The following RPS6KA5 variants were observed in gnomAD, a reference collection of about 807,000 sequenced individuals.
RPS6KA5 encodes ribosomal protein S6 kinase alpha-5.
A neutral mutation model predicts 85.5 loss-of-function variants in RPS6KA5; 27 were observed. The ratio of observed to expected loss-of-function variants is 0.32; its 90% CI spans 0.23 to 0.44. RPS6KA5 has a LOEUF of 0.44. Among genes scored for constraint, RPS6KA5 ranks in the 20% least tolerant of loss-of-function variants. The pLI, the probability that RPS6KA5 is intolerant of heterozygous loss-of-function variation, is 1.00. For missense variants in RPS6KA5, 811 were observed against 980.9 expected, an observed-to-expected ratio of 0.83 and a Z score of 2.31; for synonymous variants, 334 against 348.2, an observed-to-expected ratio of 0.96 and a Z score of 0.46.
At chr14:90,963,651 T>C (rs1371581818) in intron 3 of RPS6KA5, among the ~76,000 whole-genome samples, 1 of 152,212 alleles carries the variant, frequency 6.6e-6, no homozygotes, top group Non-Finnish European at 1.5e-5. Context: ...CCACCACTCA[T>C]GGATCACTAT....
chr14:90,991,716 A>AAG (rs1318804300), intron 2 of RPS6KA5, among the ~76,000 whole-genome samples: 1 of 151,062 alleles, frequency 6.6e-6, no homozygotes, highest in Non-Finnish European at 1.5e-5. Context: ...AAAAAAAAAA[A>AAG]AAAAGAAGAG....
rs1050674902 is a variant in RPS6KA5, at chr14:90,943,317, C to G, written c.511-132G>C. 8.6e-6 allele frequency: 5 copies of G among 578,460 alleles called. No homozygotes were observed. In the Admixed American group the frequency reaches 1.3e-4, roughly 15 times the overall value. The allele number at this position is 578,460 out of a possible 1,614,324, so 35.8% of individuals were successfully genotyped here. A position where few individuals can be genotyped will look rare whatever the true frequency, so the allele number is the denominator to read the frequency against. On this transcript the variant is annotated intron_variant, in intron 4 of 16. Transcript: ENST00000614987. The stretch of plus-strand genomic sequence containing the variant: ...CCCTCCTCAGGATCCTGTAATGGCT[C>G]TTGGTGATTGGTCAGGGAAAATGGA...
intron 2 of RPS6KA5, among the ~76,000 whole-genome samples, chr14:90,981,800 G>A (rs778835097): frequency 6.6e-6 from 1 of 152,242 alleles, no homozygotes; most frequent in African/African-American, 2.4e-5. Flanking sequence ...TTCAAGGAGT[G>A]CCTTACGACA....
rs546827967 is a variant in RPS6KA5, at chr14:90,872,959, A to G, written c.2161-637T>C. Among the ~76,000 whole-genome samples, 8 of 152,346 alleles carry G rather than the reference A, an allele frequency of 5.3e-5. No individual in the cohort carries two copies. The South Asian group carries it at 1.7e-3, about 32-fold the overall frequency. On this transcript the variant is annotated intron_variant, in intron 16 of 16. Coordinates refer to ENST00000614987, the MANE Select transcript of RPS6KA5 (RefSeq NM_004755.4). ...TGGATCATCTGATAGAAATTCTTGCAGTTAATCTCTTTACCATCTCAACAT... is the reference window on the plus strand; with the variant it reads ...TGGATCATCTGATAGAAATTCTTGCGGTTAATCTCTTTACCATCTCAACAT...
At chr14:90,913,930 T>C (rs74814587) in intron 7 of RPS6KA5, among the ~76,000 whole-genome samples, 628 of 152,250 alleles carry the variant, frequency 4.1e-3, no homozygotes, top group Non-Finnish European at 6.2e-3. Context: ...AGTCAGACTA[T>C]AGAGACAAGA....
At chr14:90,904,986 C>A (rs934844900) in intron 8 of RPS6KA5, among the ~76,000 whole-genome samples, 1 of 152,110 alleles carries the variant, frequency 6.6e-6, no homozygotes, top group East Asian at 1.9e-4. Context: ...AACTTCTGAA[C>A]AAGATATTTG....
intron 1 of RPS6KA5, among the ~76,000 whole-genome samples, chr14:91,012,855 C>A (rs950126736): frequency 1.4e-4 from 22 of 152,206 alleles, no homozygotes; most frequent in Admixed American, 1.2e-3. Context: ...GAGGAAGGAA[C>A]CTTCTCAATC....
chr14:90,892,462 G>A (rs922060054), intron 13 of RPS6KA5, among the ~76,000 whole-genome samples: 2 of 152,210 alleles, frequency 1.3e-5, no homozygotes, highest in Non-Finnish European at 2.9e-5. Flanking sequence ...AGTTCTACAT[G>A]GAGGAGGGTG....
intron 5 of RPS6KA5, among the ~76,000 whole-genome samples, chr14:90,927,939 T>TTTC (rs759128920): frequency 7.1e-5 from 10 of 141,760 alleles, no homozygotes; most frequent in Admixed American, 1.4e-4. Context: ...TTTCTTTTCT[T>TTTC]TTTTTTTTTT....
At chr14:90,976,778 A>G (rs1026270734) in intron 3 of RPS6KA5, among the ~76,000 whole-genome samples, 11 of 152,196 alleles carry the variant, frequency 7.2e-5, no homozygotes, top group African/African-American at 2.7e-4. Flanking sequence ...TCCTACATGA[A>G]TAAAGATTTA....
At position 90,866,687 on chromosome 14, in the gene RPS6KA5, C is replaced by T. The variant is rs1478754555; in HGVS notation, c.*5387G>A. On this transcript the variant is annotated 3_prime_UTR_variant, in exon 17 of 17. Coordinates refer to ENST00000614987, the MANE Select transcript of RPS6KA5 (RefSeq NM_004755.4). Reference sequence around the variant, plus strand: ...AAATTCTACACATAAGGATACATACCATTTTTACCAGCTATACTTTAAAAT... The same window carrying T: ...AAATTCTACACATAAGGATACATACTATTTTTACCAGCTATACTTTAAAAT... 6.6e-6 allele frequency: 1 copy of T among 152,186 alleles called. No individual in the cohort carries two copies. The highest frequency in any genetic ancestry group is 1.5e-5 in the Non-Finnish European group (1 of 68,004). The allele number at this position is 152,186 out of a possible 1,614,324, so 9.4% of individuals were successfully genotyped here.
At chr14:91,024,104 C>T (rs928418041) in intron 1 of RPS6KA5, among the ~76,000 whole-genome samples, 8 of 152,090 alleles carry the variant, frequency 5.3e-5, no homozygotes, top group Non-Finnish European at 8.8e-5. Flanking sequence ...ATTAAGTGTT[C>T]CCCTGCTTTT....
intron 8 of RPS6KA5, among the ~76,000 whole-genome samples, chr14:90,905,442 C>T (rs2035447446): frequency 6.6e-6 from 1 of 152,120 alleles, no homozygotes; most frequent in South Asian, 2.1e-4. Context: ...GAAATCAAAG[C>T]CGTGGCATCC....
intron 13 of RPS6KA5, among the ~76,000 whole-genome samples, chr14:90,893,822 A>G (rs1216479744): frequency 6.6e-6 from 1 of 152,108 alleles, no homozygotes; most frequent in Non-Finnish European, 1.5e-5. Context: ...TAAGAGTTAG[A>G]ACATTCTTTA....
intron 3 of RPS6KA5, among the ~76,000 whole-genome samples, chr14:90,959,364 G>T (rs2038683678): frequency 6.6e-6 from 1 of 152,176 alleles, no homozygotes; most frequent in African/African-American, 2.4e-5. Flanking sequence ...ATTTTAATAG[G>T]AGCAATGACT....
chr14:91,040,580 GAT>G (rs891884879), intron 1 of RPS6KA5, among the ~76,000 whole-genome samples: 2 of 152,144 alleles, frequency 1.3e-5, no homozygotes, highest in African/African-American at 4.8e-5. Flanking sequence ...ACCTGAAAGA[GAT>G]GTAGGCTGAA....
chr14:90,912,476 T>C (rs1286133), intron 7 of RPS6KA5, among the ~76,000 whole-genome samples: 97,280 of 152,064 alleles, frequency 0.64, 32,563 homozygotes, highest in East Asian at 0.88. Flanking sequence ...CCAGGCAAGT[T>C]ACATCCTAGT....
In RPS6KA5 at chr14:90,894,574, AC is replaced by A; in HGVS notation, c.1482del (p.Leu496Ter). On this transcript the variant is annotated frameshift_variant, in exon 13 of 17. Coordinates refer to ENST00000614987, the MANE Select transcript of RPS6KA5 (RefSeq NM_004755.4). LOFTEE classifies it high-confidence loss of function. ...CCATTCAGAAGTTCCATCACTAGAA[AC>A]GTGTGAAGCTAGAAAAGAGAAAGAA... ...LHEVFHDQLH[T>X]FLVMELLNGG... The A allele has an allele frequency of 6.2e-7, 1 of 1,614,002 alleles. No individual in the cohort carries two copies. The highest frequency in any genetic ancestry group is 8.5e-7 in the Non-Finnish European group (1 of 1,179,912).
chr14:90,981,792 C>G (rs1181825358), intron 2 of RPS6KA5, among the ~76,000 whole-genome samples: 1 of 152,252 alleles, frequency 6.6e-6, no homozygotes, highest in East Asian at 1.9e-4. Flanking sequence ...TACCAACATT[C>G]AAGGAGTGCC....
Sources: allele counts gnomAD v4.1 joint callset (sites outside exome capture counted in the v4.1 genomes callset), GRCh38; gene constraint gnomAD v4.1.1; transcripts MANE v1.5; gene names NCBI Gene and HGNC (gene_info 2026-07-23, HGNC 2026-07-21).